Variants in SLC12A8 observed in about 807,000 individuals in gnomAD.
SLC12A8 encodes the protein cation-chloride cotransporter 9.
Under a neutral mutation model 75.6 loss-of-function variants are expected in SLC12A8, and 69 were observed. The ratio of observed to expected loss-of-function variants is 0.91; its 90% CI spans 0.75 to 1.11. The LOEUF (loss-of-function observed/expected upper bound fraction) is 1.11, where lower values mean the gene tolerates loss of function less well. Among genes scored for constraint, SLC12A8 ranks in the 50% most tolerant of loss-of-function variants. The pLI is 0.00. For synonymous variants in SLC12A8, 365 were observed against 372.8 expected (o/e 0.98, Z 0.24); for missense variants, 877 against 896.7 (o/e 0.98, Z 0.28).
intron 2 of SLC12A8, among the ~76,000 whole-genome samples, chr3:125,196,859 T>C (rs751657989): frequency 6.6e-6 from 1 of 152,176 alleles, no homozygotes; most frequent in Non-Finnish European, 1.5e-5. Context: ...AGCCTAGGAA[T>C]TCAAGGTCAC....
chr3:125,107,953 G>T lies in SLC12A8; in HGVS notation c.1233C>A (p.Ser411Arg). ...SYFSLSMCSC[S>R]LTPVPEPVLR... ...GCACCGGCTCAGGCACCGGGGTCAGGCTGCAGGAACACATGGACAGGGAGA... is the reference window on the plus strand; with the variant it reads ...GCACCGGCTCAGGCACCGGGGTCAGTCTGCAGGAACACATGGACAGGGAGA... The change falls in exon 10 of 14, where the codon AGC becomes AGA. Residue 411 changes from serine to arginine, a missense_variant. Coordinates refer to ENST00000469902, the MANE Select transcript of SLC12A8 (RefSeq NM_024628.6). 1 of 1,614,180 alleles carries T rather than the reference G, an allele frequency of 6.2e-7. No individual in the cohort carries two copies. Among genetic ancestry groups the T allele is most frequent in the Non-Finnish European group, 8.5e-7 (1 of 1,180,020 alleles).
chr3:125,210,505 T>G (rs79739632), intron 2 of SLC12A8, among the ~76,000 whole-genome samples: 3,920 of 152,268 alleles, frequency 0.026, 74 homozygotes, highest in Admixed American at 0.052. Flanking sequence ...AGGGGAGATC[T>G]CAGAATGTCT....
chr3:125,103,039 G>C (rs912021635), intron 10 of SLC12A8, among the ~76,000 whole-genome samples: 2 of 152,180 alleles, frequency 1.3e-5, no homozygotes, highest in Non-Finnish European at 2.9e-5. Flanking sequence ...ATGAAGCCAA[G>C]TAACAACCCT....
intron 5 of SLC12A8, among the ~76,000 whole-genome samples, chr3:125,176,549 G>T (rs953386425): frequency 7.2e-5 from 11 of 152,116 alleles, no homozygotes; most frequent in African/African-American, 2.2e-4. Context: ...CCTACACAAT[G>T]GGAGAAAATT....
At chr3:125,178,027 A>G (rs1321098403) in intron 4 of SLC12A8, 53 bp from the exon 5 acceptor site, 29 of 1,479,258 alleles carry the variant, frequency 2.0e-5, no homozygotes, top group Non-Finnish European at 2.6e-5. Flanking sequence ...CCATGGGCCC[A>G]TGGGCAGAAC....
intron 5 of SLC12A8, among the ~76,000 whole-genome samples, chr3:125,152,760 G>A (rs1429762823): frequency 7.2e-5 from 11 of 152,122 alleles, no homozygotes; most frequent in African/African-American, 2.2e-4. Context: ...AAAGGGTTTC[G>A]GTGACTTGCC....
At chr3:125,189,398 A>G (rs1934863600) in intron 3 of SLC12A8, among the ~76,000 whole-genome samples, 1 of 152,072 alleles carries the variant, frequency 6.6e-6, no homozygotes, top group African/African-American at 2.4e-5. Context: ...TCTTTCACCC[A>G]TCTAGTCCAG....
At chr3:125,126,894 T>TC (rs1682608423) in intron 6 of SLC12A8, among the ~76,000 whole-genome samples, 3 of 152,206 alleles carry the variant, frequency 2.0e-5, no homozygotes, top group Admixed American at 2.0e-4. Context: ...TGCTGCCTTT[T>TC]TTTTTTTAAC....
chr3:125,202,695 A>G (rs978540518), intron 2 of SLC12A8, among the ~76,000 whole-genome samples: 2 of 151,526 alleles, frequency 1.3e-5, no homozygotes, highest in African/African-American at 2.4e-5. Context: ...AATCTTGCTG[A>G]CCAAGGACAT....
chr3:125,165,041 G>A (rs9814903), intron 5 of SLC12A8, among the ~76,000 whole-genome samples: 20,136 of 152,204 alleles, frequency 0.13, 2,959 homozygotes, highest in African/African-American at 0.36. Flanking sequence ...TGGAGACTGA[G>A]GCCTGGGCTT....
chr3:125,162,559 A>G (rs2107778551), intron 5 of SLC12A8, among the ~76,000 whole-genome samples: 1 of 152,330 alleles, frequency 6.6e-6, no homozygotes, highest in South Asian at 2.1e-4. Context: ...CCTTAGCACC[A>G]GCGAGGACTT....
At position 125,136,866 on chromosome 3, in the gene SLC12A8, T is replaced by C. The variant is rs553720952; in HGVS notation, c.623-1084A>G. On this transcript the variant is annotated intron_variant, in intron 5 of 13. Coordinates refer to ENST00000469902, the MANE Select transcript of SLC12A8 (RefSeq NM_024628.6). ...AACATGCTAGTGGGCTGTGGAATTT[T>C]AAGACACAAGTCAAGTGTTGTTGGT... 2.6e-5 allele frequency among the ~76,000 whole-genome samples: 4 copies of C among 152,328 alleles called. No homozygotes were observed. In the South Asian group the frequency reaches 6.2e-4, roughly 24 times the overall value.
chr3:125,201,599 C>T (rs935029205), intron 2 of SLC12A8, among the ~76,000 whole-genome samples: 2 of 151,352 alleles, frequency 1.3e-5, no homozygotes, highest in Admixed American at 6.6e-5. Context: ...ATGGCAAAAC[C>T]CTGCCTCTAC....
rs747053824 is a variant in SLC12A8 at position 125,141,665 on chromosome 3, GGGGCTGCAGGCTGC to G, written c.623-5897_623-5884del. Among the ~76,000 whole-genome samples, 32 of 151,848 alleles carry G rather than the reference GGGGCTGCAGGCTGC, an allele frequency of 2.1e-4. No individual in the cohort carries two copies. The East Asian group carries it at 3.5e-3, about 17-fold the overall frequency. On this transcript the variant is annotated intron_variant, in intron 5 of 13. Coordinates refer to ENST00000469902, the MANE Select transcript of SLC12A8 (RefSeq NM_024628.6). ...AAGCGAGATTTCTAAAAATGATGCT[GGGGCTGCAGGCTGC>G]GGGCTGCGGGCTGCGGGCTGCGGGC... is the stretch of plus-strand genomic sequence containing the variant.
chr3:125,194,218 G>A (rs1377032408), intron 2 of SLC12A8, among the ~76,000 whole-genome samples: 4 of 152,208 alleles, frequency 2.6e-5, no homozygotes. Context: ...GGGGTGCGGC[G>A]ACTTGGCGCC....
At chr3:125,159,676 A>G (rs1468966662) in intron 5 of SLC12A8, among the ~76,000 whole-genome samples, 1 of 152,254 alleles carries the variant, frequency 6.6e-6, no homozygotes, top group African/African-American at 2.4e-5. Flanking sequence ...GGCGTGAGCC[A>G]CCAGCCCCCA....
In SLC12A8 at chr3:125,198,959, T is replaced by C. The variant is rs541368786; in HGVS notation, c.52-8438A>G. On this transcript the variant is annotated intron_variant, in intron 2 of 13. Coordinates refer to ENST00000469902, the MANE Select transcript of SLC12A8 (RefSeq NM_024628.6). ...CGCCCGGCTAATTTTTTTGAATTTT[T>C]AGTAGAGATGGGGTTTCACCGTGTT... Among the ~76,000 whole-genome samples the C allele has an allele frequency of 8.0e-3, 1,217 of 151,992 alleles. 11 individuals are homozygous for C. Among genetic ancestry groups the C allele is most frequent in the South Asian group, 0.031 (148 of 4,788 alleles).
At position 125,115,260 on chromosome 3, in the gene SLC12A8, C is replaced by T. The variant is rs1186815077; in HGVS notation, c.912+3509G>A. ...GACGTCGCCGGGCGCAGTAGCTCAT[C>T]CCTGTAATCCCAGCACTTTGGGAGA... On this transcript the variant is annotated intron_variant, in intron 8 of 13. Coordinates refer to ENST00000469902, the MANE Select transcript of SLC12A8 (RefSeq NM_024628.6). Among the ~76,000 whole-genome samples, 4 of 152,234 alleles carry T rather than the reference C, an allele frequency of 2.6e-5. No individual in the cohort carries two copies. The East Asian group carries it at 7.7e-4, about 29-fold the overall frequency.
chr3:125,135,917 G>C (rs969779693), intron 5 of SLC12A8, 135 bp from the exon 6 acceptor site: 5 of 495,964 alleles, frequency 1.0e-5, no homozygotes, highest in Non-Finnish European at 1.8e-5. Flanking sequence ...CACAGCGACA[G>C]AGCGGGTCTG....
Sources: allele counts gnomAD v4.1 joint callset (sites outside exome capture counted in the v4.1 genomes callset), GRCh38; gene constraint gnomAD v4.1.1; transcripts MANE v1.5; gene names NCBI Gene and HGNC (gene_info 2026-07-23, HGNC 2026-07-21).